PRICKLE2: variants seen among roughly 807,000 people sequenced by gnomAD.
The protein encoded by PRICKLE2 is prickle planar cell polarity protein 2, also known as prickle-like protein 2.
Under a neutral mutation model 81.4 loss-of-function variants are expected in PRICKLE2, and 21 were observed. The ratio of observed to expected loss-of-function variants is 0.26; its 90% CI spans 0.18 to 0.37. The LOEUF (loss-of-function observed/expected upper bound fraction) is 0.37, where lower values mean the gene tolerates loss of function less well. Among genes scored for constraint, PRICKLE2 ranks in the 10% least tolerant of loss-of-function variants. The pLI is 1.00. For synonymous variants in PRICKLE2, 456 were observed against 421.5 expected, an observed-to-expected ratio of 1.08 and a Z score of -1.00; for missense variants, 940 against 1,109.0, an observed-to-expected ratio of 0.85 and a Z score of 2.16.
intron 1 of PRICKLE2, among the ~76,000 whole-genome samples, chr3:64,213,418 G>C (rs1342859821): frequency 6.6e-6 from 1 of 152,188 alleles, no homozygotes. Context: ...AAGGCAGACA[G>C]GTTAGACAGT....
intron 2 of PRICKLE2, among the ~76,000 whole-genome samples, chr3:64,258,893 G>GAAATAAATAAATAAAT (rs1553663533): frequency 1.1e-4 from 16 of 141,064 alleles, no homozygotes; most frequent in African/African-American, 3.9e-4. Context: ...AAGAAAGAAA[G>GAAATAAATAAATAAAT]AAATCAGGAG....
intron 5 of PRICKLE2, among the ~76,000 whole-genome samples, chr3:64,156,440 C>T (rs753516940): frequency 6.6e-5 from 10 of 152,152 alleles, no homozygotes; most frequent in Non-Finnish European, 1.5e-4. Context: ...GGACTTTTAC[C>T]CAAATTATTC....
intron 7 of PRICKLE2, among the ~76,000 whole-genome samples, chr3:64,144,631 G>A (rs2077415567): frequency 6.6e-6 from 1 of 152,196 alleles, no homozygotes; most frequent in Non-Finnish European, 1.5e-5. Flanking sequence ...TGCCCACAAA[G>A]GGGCAGATAT....
rs1233540133 is a variant in PRICKLE2, at chr3:64,239,896, C to T, written c.129-40929G>A. On this transcript the variant is annotated intron_variant, in intron 2 of 8. Coordinates refer to the PRICKLE2 transcript ENST00000295902. ...TTGGGAGGCCAAGGCAGGTAGATTG[C>T]TTGAGCCCAGGAGTTTGAGACCAGC... Among the ~76,000 whole-genome samples, 3 of 137,000 alleles carry T rather than the reference C, an allele frequency of 2.2e-5. No homozygotes were observed. In the East Asian group the frequency reaches 6.6e-4, roughly 30 times the overall value. The allele number at this position is 137,000 out of a possible 152,430, so 89.9% of individuals were successfully genotyped here.
chr3:64,226,939 G>C (rs1455879933), upstream of PRICKLE2, among the ~76,000 whole-genome samples: 2 of 152,224 alleles, frequency 1.3e-5, no homozygotes, highest in Non-Finnish European at 2.9e-5. Flanking sequence ...AAAGGACAAA[G>C]CAGCTAGCAC....
chr3:64,151,395 T>A (rs1246700245), intron 6 of PRICKLE2, among the ~76,000 whole-genome samples: 1 of 152,178 alleles, frequency 6.6e-6, no homozygotes, highest in African/African-American at 2.4e-5. Context: ...TGCCAATAAA[T>A]GTGCTGGGCA....
chr3:64,205,820 T>C (rs957661111), intron 1 of PRICKLE2, among the ~76,000 whole-genome samples: 2 of 152,110 alleles, frequency 1.3e-5, no homozygotes, highest in Non-Finnish European at 2.9e-5. Context: ...GCTGCCCAAG[T>C]TGATGTGGAG....
chr3:64,120,548 G>A (rs1553640118), intron 7 of PRICKLE2, among the ~76,000 whole-genome samples: 1 of 152,118 alleles, frequency 6.6e-6, no homozygotes, highest in Non-Finnish European at 1.5e-5. Context: ...TCAGAAGCAT[G>A]CAAGTCGCCC....
At chr3:64,154,606 G>T (rs891943230) in intron 5 of PRICKLE2, 3 of 151,986 alleles carry the variant, frequency 2.0e-5, no homozygotes, top group African/African-American at 4.8e-5. Context: ...ACAATAAAAC[G>T]CTTAGAAGAA....
intron 7 of PRICKLE2, among the ~76,000 whole-genome samples, chr3:64,131,679 A>C (rs1303320790): frequency 1.3e-5 from 2 of 152,184 alleles, no homozygotes; most frequent in Admixed American, 6.5e-5. Flanking sequence ...AAGGAAAAAT[A>C]AGCTATAGCA....
chr3:64,130,977 G>A (rs1404936823), intron 7 of PRICKLE2, among the ~76,000 whole-genome samples: 1 of 152,190 alleles, frequency 6.6e-6, no homozygotes, highest in African/African-American at 2.4e-5. Flanking sequence ...TTTAGAGTAA[G>A]TGTGAAGTAT....
intron 7 of PRICKLE2, among the ~76,000 whole-genome samples, chr3:64,118,343 A>G (rs1268926475): frequency 2.6e-5 from 4 of 152,224 alleles, no homozygotes; most frequent in Non-Finnish European, 5.9e-5. Flanking sequence ...AAATTGACAA[A>G]TGGGATCTAA....
chr3:64,154,767 T>C (rs1458358724), intron 5 of PRICKLE2: 4 of 152,150 alleles, frequency 2.6e-5, no homozygotes, highest in Non-Finnish European at 4.4e-5. Flanking sequence ...AAAACACAGC[T>C]ATAGAATGGG....
At chr3:64,126,687 C>T (rs530585303) in intron 7 of PRICKLE2, among the ~76,000 whole-genome samples, 3 of 152,206 alleles carry the variant, frequency 2.0e-5, no homozygotes, top group South Asian at 2.1e-4. Context: ...AAGCTATTCT[C>T]CTGCCTCAGC....
At chr3:64,209,026 T>TA (rs1230463542) in intron 1 of PRICKLE2, among the ~76,000 whole-genome samples, 1 of 150,638 alleles carries the variant, frequency 6.6e-6, no homozygotes, top group Non-Finnish European at 1.5e-5. Flanking sequence ...ATCCCATAAA[T>TA]ACATCCATAT....
chr3:64,132,294 C>G (rs779700589), intron 7 of PRICKLE2, among the ~76,000 whole-genome samples: 3 of 152,282 alleles, frequency 2.0e-5, no homozygotes, highest in African/African-American at 7.2e-5. Context: ...CATTCTCCAC[C>G]CTACTCTGCC....
intron 5 of PRICKLE2, chr3:64,154,773 A>G (rs2077602883): frequency 6.6e-6 from 1 of 152,208 alleles, no homozygotes. Context: ...CAGCTATAGA[A>G]TGGGAGAAAA....
chr3:64,150,587 G>A (rs989586897), intron 6 of PRICKLE2, among the ~76,000 whole-genome samples: 4 of 152,132 alleles, frequency 2.6e-5, no homozygotes, highest in Admixed American at 1.3e-4. Flanking sequence ...TGCCAAGAGT[G>A]CAGAGAGCTC....
chr3:64,225,224 G>A lies in PRICKLE2; in HGVS notation c.-355C>T. The A allele has an allele frequency of 1.0e-6, 1 of 985,466 alleles. No individual in the cohort carries two copies. The highest frequency in any genetic ancestry group is 1.2e-6 in the Non-Finnish European group (1 of 830,042). The allele number at this position is 985,466 out of a possible 1,614,324, so 61.0% of individuals were successfully genotyped here. A position where few individuals can be genotyped will look rare whatever the true frequency, so the allele number is the denominator to read the frequency against. On this transcript the variant is annotated 5_prime_UTR_variant, in exon 1 of 8. Transcript: ENST00000638394. ...ACTCTTCCTCTAGATCAGCCTGAGT[G>A]CTCAGATCGCCTTCCGGAGGACCCC... is the stretch of plus-strand genomic sequence containing the variant.
Sources: allele counts gnomAD v4.1 joint callset (sites outside exome capture counted in the v4.1 genomes callset), GRCh38; gene constraint gnomAD v4.1.1; transcripts MANE v1.5; gene names NCBI Gene and HGNC (gene_info 2026-07-23, HGNC 2026-07-21).